IL1R1: variants seen among roughly 807,000 people sequenced by gnomAD.
IL1R1 encodes interleukin-1 receptor type 1.
In IL1R1, 22 loss-of-function variants were observed where a neutral mutation model predicts 50.2. That is an observed-to-expected ratio of 0.44 (90% confidence interval 0.31 to 0.63). The LOEUF (loss-of-function observed/expected upper bound fraction) is 0.63. Among genes scored for constraint, IL1R1 ranks in the 20% least tolerant of loss-of-function variants. IL1R1 has a pLI of 0.07. For missense variants in IL1R1, 509 were observed against 676.2 expected, an observed-to-expected ratio of 0.75 and a Z score of 2.74; for synonymous variants, 251 against 236.7, an observed-to-expected ratio of 1.06 and a Z score of -0.55.
At chr2:102,155,735 AC>A (rs1684124633) in intron 2 of IL1R1, among the ~76,000 whole-genome samples, 1 of 152,022 alleles carries the variant, frequency 6.6e-6, no homozygotes, top group Non-Finnish European at 1.5e-5. Flanking sequence ...AGGGGGCATA[AC>A]CCTTTGCCCT....
intron 1 of IL1R1, among the ~76,000 whole-genome samples, chr2:102,115,199 G>T (rs1054515411): frequency 1.3e-5 from 2 of 152,172 alleles, no homozygotes; most frequent in African/African-American, 4.8e-5. Flanking sequence ...TGTAATGTGG[G>T]TTGAGAACCA....
chr2:102,084,763 A>T (rs1679366350), intron 1 of IL1R1, among the ~76,000 whole-genome samples: 1 of 152,192 alleles, frequency 6.6e-6, no homozygotes, highest in Admixed American at 6.5e-5. Flanking sequence ...CTGTGAGTGA[A>T]ATTACTGAGT....
intron 1 of IL1R1, among the ~76,000 whole-genome samples, chr2:102,078,593 CACACACAA>C (rs1185524553): frequency 1.2e-4 from 18 of 144,822 alleles, no homozygotes; most frequent in African/African-American, 3.9e-4. Context: ...CACACACACA[CACACACAA>C]GAAAAAAAAA....
chr2:102,177,578 C>CT lies in IL1R1; in HGVS notation c.*819_*820insT. 3.9e-5 allele frequency: 6 copies of CT among 152,286 alleles called. No homozygotes were observed. The highest frequency in any genetic ancestry group is 1.2e-4 in the African/African-American group (5 of 41,428). The allele number at this position is 152,286 out of a possible 1,614,324, so 9.4% of individuals were successfully genotyped here. On this transcript the variant is annotated 3_prime_UTR_variant, in exon 12 of 12. Transcript: ENST00000410023. ...CACATCCCCAGCCAGAAGTTAGTGT[C>CT]CGAAGACCGAATTTTATTTTACAGA...
chr2:102,084,296 T>C (rs1345290098), intron 1 of IL1R1, among the ~76,000 whole-genome samples: 2 of 152,330 alleles, frequency 1.3e-5, no homozygotes, highest in African/African-American at 2.4e-5. Flanking sequence ...GTTCTAAACA[T>C]GGAAATGCAG....
rs369753641 is a variant in IL1R1, at chr2:102,157,473, TA to T, written c.-6-242del. Reference sequence around the variant, plus strand: ...TAATGGGACAGAAGGTAGAAATGTTTAAAATCTTAAGTTGTTGAGTTTGTTC... The same window carrying T: ...TAATGGGACAGAAGGTAGAAATGTTTAAATCTTAAGTTGTTGAGTTTGTTC... On this transcript the variant is annotated intron_variant, in intron 2 of 11. Coordinates refer to ENST00000410023, the MANE Select transcript of IL1R1 (RefSeq NM_000877.4). Among the ~76,000 whole-genome samples, 1,029 of 152,286 alleles carry T rather than the reference TA, an allele frequency of 6.8e-3. 23 individuals carry two copies. The South Asian group carries it at 0.088, about 13-fold the overall frequency.
rs182474105 is a variant in IL1R1, at chr2:102,162,679, G to A, written c.62-2095G>A. ...TTTCACATATAGTATACAAAGTTAA[G>A]AGTATATACCCATTTCTCCTTTCTT... On this transcript the variant is annotated intron_variant, in intron 3 of 11. Coordinates refer to ENST00000410023, the MANE Select transcript of IL1R1 (RefSeq NM_000877.4). 1.4e-3 allele frequency among the ~76,000 whole-genome samples: 209 copies of A among 151,988 alleles called. 1 individual carries two copies. The highest frequency in any genetic ancestry group is 4.7e-3 in the African/African-American group (194 of 41,446).
upstream of IL1R1, among the ~76,000 whole-genome samples, chr2:102,101,917 C>T (rs1456522426): frequency 6.6e-6 from 1 of 152,102 alleles, no homozygotes; most frequent in African/African-American, 2.4e-5. Context: ...TTTGTTTTCC[C>T]TGAACTCTGT....
At chr2:102,165,973 T>A (rs997049) in intron 5 of IL1R1, 140 bp from the exon 6 acceptor site, 228,702 of 638,552 alleles carry the variant, frequency 0.36, 43,249 homozygotes, top group Non-Finnish European at 0.39. Flanking sequence ...TATTAAAACT[T>A]ACTATATGTA....
chr2:102,083,583 C>G (rs972140894), intron 1 of IL1R1, among the ~76,000 whole-genome samples: 2 of 152,126 alleles, frequency 1.3e-5, no homozygotes, highest in Non-Finnish European at 2.9e-5. Flanking sequence ...AGGAGTTTTC[C>G]TCTAGTACCT....
At chr2:102,078,991 A>C (rs999672100) in intron 1 of IL1R1, among the ~76,000 whole-genome samples, 1 of 152,184 alleles carries the variant, frequency 6.6e-6, no homozygotes, top group African/African-American at 2.4e-5. Flanking sequence ...ATGGAATTGC[A>C]TAATCATCTC....
chr2:102,163,702 T>C (rs938900300), intron 3 of IL1R1, among the ~76,000 whole-genome samples: 1 of 152,192 alleles, frequency 6.6e-6, no homozygotes, highest in East Asian at 1.9e-4. Context: ...CAGTTTTGAC[T>C]GATCGATTTT....
chr2:102,121,674 G>A (rs1465029215), intron 1 of IL1R1, among the ~76,000 whole-genome samples: 5 of 152,160 alleles, frequency 3.3e-5, no homozygotes, highest in African/African-American at 4.8e-5. Context: ...AGTTTGGGGA[G>A]TTCAAAAATA....
chr2:102,169,606 T>C (rs921598431), intron 7 of IL1R1, among the ~76,000 whole-genome samples: 34 of 152,212 alleles, frequency 2.2e-4, no homozygotes, highest in African/African-American at 6.3e-4. Flanking sequence ...TCTGTAATAG[T>C]AACTGCATGA....
At chr2:102,169,439 T>C (rs1367667060) in intron 7 of IL1R1, among the ~76,000 whole-genome samples, 1 of 152,220 alleles carries the variant, frequency 6.6e-6, no homozygotes, top group Non-Finnish European at 1.5e-5. Flanking sequence ...TTTCAAGGGC[T>C]TAATAGCCAC....
At chr2:102,123,815 T>C (rs938755775) in intron 1 of IL1R1, among the ~76,000 whole-genome samples, 6 of 151,464 alleles carry the variant, frequency 4.0e-5, no homozygotes, top group African/African-American at 1.5e-4. Flanking sequence ...TAAAATAAAA[T>C]AATGTAACAT....
intron 1 of IL1R1, among the ~76,000 whole-genome samples, chr2:102,071,171 T>A (rs899615196): frequency 6.6e-6 from 1 of 152,294 alleles, no homozygotes; most frequent in South Asian, 2.1e-4. Flanking sequence ...CTTATATATA[T>A]AAAGTAAGGG....
intron 1 of IL1R1, among the ~76,000 whole-genome samples, chr2:102,145,280 G>A (rs931215980): frequency 6.6e-6 from 1 of 152,158 alleles, no homozygotes; most frequent in African/African-American, 2.4e-5. Flanking sequence ...TGTGAGGTGG[G>A]CTGGTGGCAC....
Position 102,176,595 on chromosome 2 carries a change from T to G in IL1R1, c.1546T>G (p.Ser516Ala). 1 of 1,614,172 alleles carries G rather than the reference T, an allele frequency of 6.2e-7. No homozygotes were observed. Among genetic ancestry groups the G allele is most frequent in the East Asian group, 2.2e-5 (1 of 44,882 alleles). The change falls in exon 12 of 12, where the codon TCA becomes GCA. Residue 516 changes from serine to alanine, a missense_variant. Transcript: ENST00000410023. ...GCAGAAACATGGGGCTATCCGCTGG[T>G]CAGGGGACTTTACACAGGGACCACA... ...IKQKHGAIRW[S>A]GDFTQGPQSA...
Sources: allele counts gnomAD v4.1 joint callset (sites outside exome capture counted in the v4.1 genomes callset), GRCh38; gene constraint gnomAD v4.1.1; transcripts MANE v1.5; gene names NCBI Gene and HGNC (gene_info 2026-07-23, HGNC 2026-07-21).